PRICKLE2: variants seen among roughly 807,000 people sequenced by gnomAD.
The protein encoded by PRICKLE2 is prickle planar cell polarity protein 2, also known as prickle-like protein 2.
A neutral mutation model predicts 81.4 loss-of-function variants in PRICKLE2; 21 were observed. The observed-to-expected ratio is 0.26, with a 90% CI of 0.18 to 0.37. PRICKLE2 has a LOEUF of 0.37. Among genes scored for constraint, PRICKLE2 ranks in the 10% least tolerant of loss-of-function variants. PRICKLE2 has a pLI of 1.00. For missense variants in PRICKLE2, 940 were observed against 1,109.0 expected (o/e 0.85, Z 2.16); for synonymous variants, 456 against 421.5 (o/e 1.08, Z -1.00).
At chr3:64,128,118 GT>G (rs2077139109) in intron 7 of PRICKLE2, among the ~76,000 whole-genome samples, 1 of 152,084 alleles carries the variant, frequency 6.6e-6, no homozygotes, top group African/African-American at 2.4e-5. Flanking sequence ...AGGAGGTAGC[GT>G]TGGGGGCGTT....
chr3:64,144,760 A>C (rs1426871904), intron 7 of PRICKLE2, among the ~76,000 whole-genome samples: 1 of 152,240 alleles, frequency 6.6e-6, no homozygotes, highest in African/African-American at 2.4e-5. Flanking sequence ...TCTGAGACAC[A>C]GCACAAAGCA....
At position 64,146,938 on chromosome 3, in the gene PRICKLE2, A is replaced by C; in HGVS notation, c.1552T>G (p.Cys518Gly). 6.2e-7 allele frequency: 1 copy of C among 1,614,074 alleles called. No homozygotes were observed. Among genetic ancestry groups the C allele is most frequent in the Non-Finnish European group, 8.5e-7 (1 of 1,179,990 alleles). ...GAACTGATGGGATGACGGGTCCGAC[A>C]CTGCTGAGTGGACAAGCCCCCTTCC... The part of the protein sequence containing the change: ...EEEGGLSTQQ[C>G]RTRHPISSLK... The change falls in exon 7 of 8, where the codon TGT (cysteine) becomes GGT (glycine). Residue 518 changes from cysteine (C) to glycine (G), a missense_variant. Cys to Gly is a radical substitution (Grantham distance 159, BLOSUM62 -3). Around this residue, in one of 2 missense-constraint regions of PRICKLE2, gnomAD observed 670 missense variants for 717.2 expected, o/e 0.93. Transcript: ENST00000638394.
At chr3:64,182,103 T>C (rs967789165) in intron 2 of PRICKLE2, among the ~76,000 whole-genome samples, 4 of 151,962 alleles carry the variant, frequency 2.6e-5, no homozygotes, top group African/African-American at 7.3e-5. Context: ...CCCAAATTCA[T>C]GTGTTGGAAA....
Position 64,099,178 on chromosome 3 carries a change from T to C in PRICKLE2, c.2408A>G (p.Tyr803Cys). Residue 803 changes from tyrosine (Y) to cysteine (C), a missense_variant, in exon 8 of 8, where the codon TAC (tyrosine) becomes TGC (cysteine). Coordinates refer to ENST00000638394, the MANE Select transcript of PRICKLE2 (RefSeq NM_198859.4). This position sits in a 1 kb window ranked among gnomAD's most constrained non-coding sequence, Gnocchi z 4.3. The stretch of plus-strand genomic sequence containing the variant: ...GTGCAGCAGCTCATCGCTTGTGACG[T>C]ATCGCAGGCGCGCTGGCTGGGGGAT... ...EPIPQPARLR[Y>C]VTSDELLHKY... The C allele has an allele frequency of 6.2e-7, 1 of 1,614,232 alleles. No homozygotes were observed. Among genetic ancestry groups the C allele is most frequent in the Non-Finnish European group, 8.5e-7 (1 of 1,180,040 alleles).
intron 2 of PRICKLE2, among the ~76,000 whole-genome samples, chr3:64,258,058 G>A (rs150132805): frequency 4.6e-5 from 7 of 152,160 alleles, no homozygotes; most frequent in East Asian, 3.9e-4. Context: ...GCACCAGAAC[G>A]TAAAAGAAAA....
At chr3:64,127,015 CA>C (rs2077119318) in intron 7 of PRICKLE2, among the ~76,000 whole-genome samples, 1 of 152,222 alleles carries the variant, frequency 6.6e-6, no homozygotes, top group East Asian at 1.9e-4. Flanking sequence ...GGCAGTGCTC[CA>C]GCTGCTGGGG....
At position 64,099,557 on chromosome 3, in the gene PRICKLE2, C is replaced by T. The variant is rs772427963; in HGVS notation, c.2029G>A (p.Asp677Asn). 4 of 1,611,064 alleles carry T rather than the reference C, an allele frequency of 2.5e-6. No individual in the cohort carries two copies. Among genetic ancestry groups the T allele is most frequent in the East Asian group, 2.2e-5 (1 of 44,794 alleles). Residue 677 changes from aspartate to asparagine, a missense_variant, in exon 8 of 8, where the codon GAC (aspartate) becomes AAC (asparagine). This residue lies in a region of PRICKLE2 where 670 missense variants were observed against 717.2 expected (regional missense o/e 0.93). Coordinates refer to ENST00000638394, the MANE Select transcript of PRICKLE2 (RefSeq NM_198859.4). The surrounding 1 kb of genome is among the most constrained non-coding windows in gnomAD (Gnocchi z 4.3). ...TGAGGTCGGAAACGGCGGTTGTCGT[C>T]GCGTGAAGTAGCTCTTCTCCGGGTG... ...ERTRRRATSR[D>N]DNRRFRPHRS...
At chr3:64,253,054 C>T (rs1331069790) in intron 2 of PRICKLE2, among the ~76,000 whole-genome samples, 1 of 152,160 alleles carries the variant, frequency 6.6e-6, no homozygotes, top group African/African-American at 2.4e-5. Context: ...AGATTCACCT[C>T]CCACCTGACC....
chr3:64,198,726 A>G lies in PRICKLE2; in HGVS notation c.144+58T>C. The G allele has an allele frequency of 1.9e-6, 3 of 1,538,878 alleles. No individual in the cohort carries two copies. In the East Asian group the frequency reaches 6.7e-5, roughly 35 times the overall value. ...TCCTACAGAACTGGAATGAGGAAGG[A>G]CCAGTAAGGCAAAGTGAAACACCCA... On this transcript the variant is annotated intron_variant, in intron 2 of 7. Coordinates refer to ENST00000638394, the MANE Select transcript of PRICKLE2 (RefSeq NM_198859.4).
At chr3:64,268,083 G>A (rs945562318) in intron 2 of PRICKLE2, 7 of 152,278 alleles carry the variant, frequency 4.6e-5, no homozygotes, top group Non-Finnish European at 1.0e-4. Context: ...CTCCGCACAA[G>A]GCAGGTAACA....
At chr3:64,217,337 T>C (rs1275812007) in intron 1 of PRICKLE2, among the ~76,000 whole-genome samples, 1 of 152,210 alleles carries the variant, frequency 6.6e-6, no homozygotes, top group Non-Finnish European at 1.5e-5. Flanking sequence ...ACTTTCTTTT[T>C]AATTTGTATA....
intron 2 of PRICKLE2, among the ~76,000 whole-genome samples, chr3:64,244,316 C>T (rs1203475551): frequency 1.3e-5 from 2 of 152,158 alleles, no homozygotes; most frequent in East Asian, 1.9e-4. Context: ...TCTTAACATG[C>T]TCCAATTTGT....
chr3:64,110,962 A>G (rs1009393419), intron 7 of PRICKLE2, among the ~76,000 whole-genome samples: 30 of 112,720 alleles, frequency 2.7e-4, no homozygotes, highest in African/African-American at 7.6e-4. Flanking sequence ...TCCATCTCAA[A>G]AAAAAAAAAA....
intron 7 of PRICKLE2, among the ~76,000 whole-genome samples, chr3:64,133,603 G>C (rs937043709): frequency 7.2e-5 from 11 of 152,208 alleles, no homozygotes; most frequent in African/African-American, 2.6e-4. Flanking sequence ...GGGCCAGGGG[G>C]ATCAGTGCAG....
chr3:64,137,353 C>T (rs571307702), intron 7 of PRICKLE2, among the ~76,000 whole-genome samples: 10 of 152,138 alleles, frequency 6.6e-5, no homozygotes, highest in Middle Eastern at 3.2e-3. Context: ...GAACCCATCA[C>T]GACACACCAC....
At chr3:64,186,104 C>G (rs55998228) in intron 2 of PRICKLE2, among the ~76,000 whole-genome samples, 3,023 of 152,284 alleles carry the variant, frequency 0.02, 42 homozygotes, top group Non-Finnish European at 0.032. Context: ...CATAGATCAA[C>G]AGTTCATTCA....
At chr3:64,138,446 G>A (rs1314958794) in intron 7 of PRICKLE2, among the ~76,000 whole-genome samples, 1 of 152,206 alleles carries the variant, frequency 6.6e-6, no homozygotes, top group African/African-American at 2.4e-5. Context: ...TGATGTTGAT[G>A]GACATTGGTC....
At chr3:64,101,231 G>C (rs2076656093) in intron 7 of PRICKLE2, 1 of 152,122 alleles carries the variant, frequency 6.6e-6, no homozygotes, top group Admixed American at 6.5e-5. Context: ...TTAGTAAGAA[G>C]GTCCAAGAAA....
chr3:64,113,994 C>A (rs1349685403), intron 7 of PRICKLE2, among the ~76,000 whole-genome samples: 2 of 152,210 alleles, frequency 1.3e-5, no homozygotes, highest in African/African-American at 2.4e-5. Flanking sequence ...GCTGCCACAC[C>A]TTGGCACCTC....
Sources: gnomAD v4.1 joint callset for allele counts (sites outside exome capture counted in the v4.1 genomes callset) on GRCh38, gnomAD v4.1.1 for gene constraint, gnomAD v4.1.1 regional missense constraint, Gnocchi (gnomAD v3.1) non-coding constraint, MANE v1.5 for transcripts, NCBI Gene and HGNC (gene_info 2026-07-23, HGNC 2026-07-21) for gene names.